Variants in ABCA2 observed in about 807,000 individuals in gnomAD.
The protein encoded by ABCA2 is ATP binding cassette subfamily A member 2.
ABCA2 carries 84 observed loss-of-function variants against 262.8 expected under a neutral mutation model. The ratio of observed to expected loss-of-function variants is 0.32; its 90% CI spans 0.27 to 0.38. The LOEUF (loss-of-function observed/expected upper bound fraction) is 0.38, where lower values mean the gene tolerates loss of function less well. Among genes scored for constraint, ABCA2 ranks in the 10% least tolerant of loss-of-function variants. The pLI is 1.00. For missense variants in ABCA2, 2,662 were observed against 3,405.9 expected (o/e 0.78, Z 5.44); for synonymous variants, 1,696 against 1,502.9 (o/e 1.13, Z -2.97).
chr9:137,020,894 C>A lies in ABCA2; in HGVS notation c.1065G>T (p.Arg355=). Residue 355 remains arginine, a synonymous_variant, in exon 9 of 49, where the codon CGG becomes CGT. Coordinates refer to ENST00000341511, the MANE Select transcript of ABCA2 (RefSeq NM_001606.5). ...CACCACTGGCTGGGGGTCCGGGGGT[C>A]CGGCCAGTGCAGGCACCCTGGGGCA... is the stretch of plus-strand genomic sequence containing the variant. ...LLLPQGACTG[R]TPGPPASGAG... 6.4e-7 allele frequency: 1 copy of A among 1,553,858 alleles called. No individual in the cohort carries two copies. Among genetic ancestry groups the A allele is most frequent in the East Asian group, 2.4e-5 (1 of 42,004 alleles).
In ABCA2 at chr9:137,009,957, C is replaced by T. The variant is rs370948367; in HGVS notation, c.6495+26G>A. 167 of 1,594,606 alleles carry T rather than the reference C, an allele frequency of 1.0e-4. No individual in the cohort carries two copies. In the Admixed American group the frequency reaches 2.7e-3, roughly 26 times the overall value. On this transcript the variant is annotated intron_variant, in intron 42 of 48. Coordinates refer to ENST00000341511, the MANE Select transcript of ABCA2 (RefSeq NM_001606.5). ...GGCAGGGCCACCCAGCGTGCTGACT[C>T]CCTGCCCCGCCCCACAGATCCTCAC...
Position 137,014,148 on chromosome 9 carries a change from C to A in ABCA2, c.4240+20G>T. ...TGCTCCCCCTCCCTTGCTGTCCCAG[C>A]CTCACCCTGCCACCCCCACCTTGCA... On this transcript the variant is annotated intron_variant, in intron 27 of 48. Transcript: ENST00000341511. 6.2e-7 allele frequency: 1 copy of A among 1,601,686 alleles called. No homozygotes were observed. The highest frequency in any genetic ancestry group is 8.5e-7 in the Non-Finnish European group (1 of 1,174,232).
rs1398126072 is a variant in ABCA2 at position 137,020,380 on chromosome 9, G to A, written c.1381C>T (p.Leu461=). 2 of 1,613,168 alleles carry A rather than the reference G, an allele frequency of 1.2e-6. No individual in the cohort carries two copies. Among genetic ancestry groups the A allele is most frequent in the African/African-American group, 1.3e-5 (1 of 75,062 alleles). ...ACCTCAGAGCCCGCAGGCGCGTACA[G>A]GATTTTGGGGTTGCTGGTCATGAGG... is the stretch of plus-strand genomic sequence containing the variant. ...VHLMTSNPKI[L]YAPAGSEVDR... is the part of the protein sequence containing the mutation. Residue 461 remains leucine (L), a synonymous_variant, in exon 10 of 49, where the codon CTG becomes TTG. Coordinates refer to ENST00000341511, the MANE Select transcript of ABCA2 (RefSeq NM_001606.5).
rs752416883 is a variant in ABCA2 at position 137,021,412 on chromosome 9, C to A, written c.877G>T (p.Val293Leu). 2.5e-6 allele frequency: 4 copies of A among 1,609,190 alleles called. No individual in the cohort carries two copies. In the South Asian group the frequency reaches 3.3e-5, roughly 13 times the overall value. The change falls in exon 8 of 49, where the codon GTG becomes TTG. Residue 293 changes from valine (V) to leucine (L), a missense_variant. Val to Leu is a conservative substitution (Grantham distance 32). Coordinates refer to ENST00000341511, the MANE Select transcript of ABCA2 (RefSeq NM_001606.5). This position sits in a 1 kb window ranked among gnomAD's most constrained non-coding sequence, Gnocchi z 6.0. Reference sequence around the variant, plus strand: ...CTCACCTGCTGGGAGACCTTGGCCACGTCCAGCTGGTTCCGGAGCTCAGCA... The same window carrying A: ...CTCACCTGCTGGGAGACCTTGGCCAAGTCCAGCTGGTTCCGGAGCTCAGCA... The part of the protein sequence containing the change: ...LSAELRNQLD[V>L]AKVSQQLGLD...
Position 137,014,224 on chromosome 9 carries a change from C to T in ABCA2, c.4184G>A (p.Gly1395Asp). Residue 1395 changes from glycine (G) to aspartate (D), a missense_variant, in exon 27 of 49, where the codon GGC becomes GAC. Physicochemically the swap from Gly to Asp is moderately conservative, Grantham distance 94. Around this residue, in one of 12 missense-constraint regions of ABCA2, gnomAD observed 297 missense variants for 286.5 expected, o/e 1.04. Coordinates refer to ENST00000341511, the MANE Select transcript of ABCA2 (RefSeq NM_001606.5). ...DEGAGYTDVY[G>D]DYRPLFDNPQ... ...GTTATCAAAGAGGGGGCGGTAGTCG[C>T]CATAGACGTCGGTGTAGCCAGCTCC... The T allele has an allele frequency of 6.2e-7, 1 of 1,609,964 alleles. No homozygotes were observed. Among genetic ancestry groups the T allele is most frequent in the Non-Finnish European group, 8.5e-7 (1 of 1,178,678 alleles).
intron 21 of ABCA2, 30 bp from the exon 22 acceptor site, chr9:137,016,204 CG>C (rs1831254644): frequency 6.2e-7 from 1 of 1,611,404 alleles, no homozygotes. Context: ...CATGACCCCA[CG>C]CCCTCTGCAG....
At chr9:137,022,165 T>C (rs1046102547) in intron 6 of ABCA2, among the ~76,000 whole-genome samples, 164 bp from the exon 7 acceptor site, 1 of 10,374 alleles carries the variant, frequency 9.6e-5, no homozygotes, top group Non-Finnish European at 1.7e-4. Flanking sequence ...CCGATGTAGG[T>C]GTGGGGGCGT....
At chr9:137,024,038 G>A in intron 2 of ABCA2, 105 bp downstream of exon 2, 1 of 1,513,912 alleles carries the variant, frequency 6.6e-7, no homozygotes, top group Non-Finnish European at 8.9e-7. Flanking sequence ...CCGCACCTCA[G>A]GGACTCCGGG....
chr9:137,007,801 C>A lies in ABCA2; in HGVS notation c.*128G>T, dbSNP rs1022063972. 13 of 1,285,306 alleles carry A rather than the reference C, an allele frequency of 1.0e-5. No individual in the cohort carries two copies. Among genetic ancestry groups the A allele is most frequent in the African/African-American group, 4.4e-5 (3 of 67,958 alleles). 79.6% of individuals were successfully genotyped at this position (1,285,306 alleles called of 1,614,324 possible). The stretch of plus-strand genomic sequence containing the variant: ...AGTACAGGGGCTGGAGGACCAGAAG[C>A]CCCTTGGTCCTGAACCTCCACTCCA... On this transcript the variant is annotated 3_prime_UTR_variant, in exon 49 of 49. Coordinates refer to ENST00000341511, the MANE Select transcript of ABCA2 (RefSeq NM_001606.5).
At position 137,022,333 on chromosome 9, in the gene ABCA2, G is replaced by T; in HGVS notation, c.567+18C>A. The T allele has an allele frequency of 6.3e-7, 1 of 1,586,308 alleles. No homozygotes were observed. ...GGCAGAAGGGAGTGGCCAGGGCTGGGAGCTGTCCCTGCCTTACCTCGGGCG... is the reference window on the plus strand; with the variant it reads ...GGCAGAAGGGAGTGGCCAGGGCTGGTAGCTGTCCCTGCCTTACCTCGGGCG... On this transcript the variant is annotated intron_variant, in intron 6 of 48. Transcript: ENST00000341511.
chr9:137,014,781 G>A lies in ABCA2; in HGVS notation c.3912C>T (p.His1304=). 6.2e-7 allele frequency: 1 copy of A among 1,601,236 alleles called. No homozygotes were observed. The highest frequency in any genetic ancestry group is 1.1e-5 in the South Asian group (1 of 88,668). The change falls in exon 26 of 49, where the codon CAC becomes CAT. Residue 1304 remains histidine, a synonymous_variant. Coordinates refer to ENST00000341511, the MANE Select transcript of ABCA2 (RefSeq NM_001606.5). The part of the protein sequence containing the change: ...QHLERSLDAL[H]LSSFGLMDTT... ...TGTCCATCAGCCCGAAGCTGCTGAG[G>A]TGCAGTGCATCCAGGCTGCGCTCCA...
intron 1 of ABCA2, among the ~76,000 whole-genome samples, chr9:137,027,082 C>A (rs554740798): frequency 1.3e-5 from 2 of 152,222 alleles, no homozygotes; most frequent in African/African-American, 4.8e-5. Context: ...GGGTCCCGCC[C>A]GGGCCCTGGC....
At position 137,021,554 on chromosome 9, in the gene ABCA2, C is replaced by A. The variant is rs771355002; in HGVS notation, c.735G>T (p.Gly245=). 9.5e-6 allele frequency: 15 copies of A among 1,585,848 alleles called. 1 individual carries two copies. Among genetic ancestry groups the A allele is most frequent in the Non-Finnish European group, 1.3e-5 (15 of 1,167,108 alleles). The change falls in exon 8 of 49, where the codon GGG becomes GGT. Residue 245 remains glycine, a synonymous_variant. Coordinates refer to ENST00000341511, the MANE Select transcript of ABCA2 (RefSeq NM_001606.5). This position sits in a 1 kb window ranked among gnomAD's most constrained non-coding sequence, Gnocchi z 6.0. ...GCACAGTGAGGATCCGGCCCAGCTC[C>A]CCCGAGCCCGGCGTGCAGGTGAGCT... is the stretch of plus-strand genomic sequence containing the variant. ...LEQLTCTPGS[G]ELGRILTVPE...
chr9:137,023,636 T>G, intron 3 of ABCA2: 1 of 693,840 alleles, frequency 1.4e-6, no homozygotes. Flanking sequence ...AGCTGTGCCT[T>G]TAGGTGGCCG....
chr9:137,022,648 ACAG>A (rs1417109890), intron 5 of ABCA2, 51 bp downstream of exon 5: 4 of 1,577,900 alleles, frequency 2.5e-6, no homozygotes, highest in Non-Finnish European at 3.4e-6. Flanking sequence ...CAGCCCAGTG[ACAG>A]CAGAGCTTTG....
At position 137,007,520 on chromosome 9, in the gene ABCA2, C is replaced by T. The variant is rs1008755534; in HGVS notation, c.*409G>A. The T allele has an allele frequency of 7.7e-6, 2 of 260,938 alleles. No individual in the cohort carries two copies. Among genetic ancestry groups the T allele is most frequent in the South Asian group, 4.1e-5 (1 of 24,304 alleles). 16.2% of individuals were successfully genotyped at this position (260,938 alleles called of 1,614,324 possible). The stretch of plus-strand genomic sequence containing the variant: ...AATAAATACGGGACTGACCCAGCTC[C>T]GCCCACAGCCCGCTCTCGGCATCAG... On this transcript the variant is annotated 3_prime_UTR_variant, in exon 49 of 49. Transcript: ENST00000341511.
At position 137,011,821 on chromosome 9, in the gene ABCA2, C is replaced by A. The variant is rs573874522; in HGVS notation, c.5535+23G>T. ...ATGGGGGATGAGAAGGGCCGGGGCA[C>A]CCCATGGCCACGCCGGGCGCACCAT... On this transcript the variant is annotated intron_variant, in intron 35 of 48. Transcript: ENST00000341511. The surrounding 1 kb of genome is among the most constrained non-coding windows in gnomAD (Gnocchi z 8.8). 73 of 1,561,918 alleles carry A rather than the reference C, an allele frequency of 4.7e-5. 2 individuals carry two copies. The South Asian group carries it at 7.5e-4, about 16-fold the overall frequency.
chr9:137,015,109 G>A lies in ABCA2; in HGVS notation c.3698-12C>T, dbSNP rs573474411. 35 of 1,564,366 alleles carry A rather than the reference G, an allele frequency of 2.2e-5. No individual in the cohort carries two copies. The highest frequency in any genetic ancestry group is 2.0e-4 in the South Asian group (17 of 83,666). On this transcript the variant is annotated splice_polypyrimidine_tract_variant and intron_variant, in intron 24 of 48. Transcript: ENST00000341511. The stretch of plus-strand genomic sequence containing the variant: ...TGCCAGCCCTGGCTCTGTGGGGGAC[G>A]TGGGAGCAGGAAGGAATTCACTCAG...
In ABCA2 at chr9:137,020,439, C is replaced by T. The variant is rs760403406; in HGVS notation, c.1322G>A (p.Ser441Asn). ...GAGGCCCAGGTTCCGCTGCTCCTTG[C>T]TCGTGAAGCCCAGGGAGCTCATGTT... ...RGNMSSLGFT[S>N]KEQRNLGLLV... The change falls in exon 10 of 49, where the codon AGC (serine) becomes AAC (asparagine). Residue 441 changes from serine to asparagine, a missense_variant. Ser to Asn is a conservative substitution (Grantham distance 46). Around this residue, in one of 12 missense-constraint regions of ABCA2, gnomAD observed 92 missense variants for 146.7 expected, o/e 0.63. Coordinates refer to ENST00000341511, the MANE Select transcript of ABCA2 (RefSeq NM_001606.5). The T allele has an allele frequency of 1.2e-6, 2 of 1,611,720 alleles. No individual in the cohort carries two copies. Among genetic ancestry groups the T allele is most frequent in the East Asian group, 2.2e-5 (1 of 44,876 alleles).
Sources: allele counts gnomAD v4.1 joint callset (sites outside exome capture counted in the v4.1 genomes callset), GRCh38; gene constraint gnomAD v4.1.1; regional missense constraint gnomAD v4.1.1; non-coding constraint Gnocchi (gnomAD v3.1); transcripts MANE v1.5; gene names NCBI Gene and HGNC (gene_info 2026-07-23, HGNC 2026-07-21).